Variants in USP24 observed in about 807,000 individuals in gnomAD.
The protein encoded by USP24 is ubiquitin specific peptidase 24.
In USP24, 97 loss-of-function variants were observed where a neutral mutation model predicts 361.6. The ratio of observed to expected loss-of-function variants is 0.27; its 90% CI spans 0.23 to 0.32. USP24 has a LOEUF of 0.32. Ranked by LOEUF, USP24 falls within the 10% of genes least tolerant of loss-of-function variation. USP24 has a pLI of 1.00. For missense variants in USP24, 2,353 were observed against 3,165.6 expected (o/e 0.74, Z 6.16); for synonymous variants, 1,098 against 1,124.6 (o/e 0.98, Z 0.47).
intron 16 of USP24, among the ~76,000 whole-genome samples, chr1:55,150,532 C>T (rs985779971): frequency 6.6e-6 from 1 of 152,080 alleles, no homozygotes; most frequent in African/African-American, 2.4e-5. Flanking sequence ...CAAACAGATA[C>T]CTTCCCAAAA....
chr1:55,125,842 C>T lies in USP24; in HGVS notation c.3636-84G>A, dbSNP rs150274607. 5.4e-6 allele frequency: 6 copies of T among 1,105,514 alleles called. No individual in the cohort carries two copies. In the African/African-American group the frequency reaches 7.9e-5, roughly 15 times the overall value. 68.5% of individuals were successfully genotyped at this position (1,105,514 alleles called of 1,614,324 possible). A position where few individuals can be genotyped will look rare whatever the true frequency, so the allele number is the denominator to read the frequency against. On this transcript the variant is annotated intron_variant, in intron 32 of 67. Transcript: ENST00000294383. Reference sequence around the variant, plus strand: ...ATTTTCCATAAGTAATGTAATCAGTCATCATCAATTACTTAGTTTCTACAT... The same window carrying T: ...ATTTTCCATAAGTAATGTAATCAGTTATCATCAATTACTTAGTTTCTACAT...
chr1:55,153,853 C>T lies in USP24; in HGVS notation c.1860+17G>A. 1.3e-6 allele frequency: 2 copies of T among 1,549,098 alleles called. No homozygotes were observed. The highest frequency in any genetic ancestry group is 1.7e-6 in the Non-Finnish European group (2 of 1,145,816). On this transcript the variant is annotated intron_variant, in intron 16 of 67. Transcript: ENST00000294383. ...AACTAGTATACCTTTTAGTTGGTTC[C>T]ATCTGCAAATTCTTACCTTGAATCC...
chr1:55,128,711 AC>A (rs201419348), intron 32 of USP24, among the ~76,000 whole-genome samples: 3,274 of 138,096 alleles, frequency 0.024, 49 homozygotes, highest in Non-Finnish European at 0.036. Context: ...CTGCTTTAAT[AC>A]CTTTTTTTTT....
chr1:55,123,462 G>A lies in USP24; in HGVS notation c.4261C>T (p.Arg1421Trp). ...TCCAGCATACCCAGTTGCTGGCTCCGAAGCTGTAGGCACGTAACAAGAAGA... is the reference window on the plus strand; with the variant it reads ...TCCAGCATACCCAGTTGCTGGCTCCAAAGCTGTAGGCACGTAACAAGAAGA... The part of the protein sequence containing the change: ...LSLLVTCLQL[R>W]SQQLASFYNL... Residue 1421 changes from arginine (R) to tryptophan (W), a missense_variant, in exon 36 of 68, where the codon CGG becomes TGG. By Grantham distance (101) the Arg-to-Trp change is moderately radical. Coordinates refer to ENST00000294383, the MANE Select transcript of USP24 (RefSeq NM_015306.3). 2 of 1,588,608 alleles carry A rather than the reference G, an allele frequency of 1.3e-6. No individual in the cohort carries two copies. Among genetic ancestry groups the A allele is most frequent in the Non-Finnish European group, 1.7e-6 (2 of 1,167,224 alleles).
At chr1:55,193,099 A>AT (rs1401387828) in intron 1 of USP24, among the ~76,000 whole-genome samples, 1 of 152,222 alleles carries the variant, frequency 6.6e-6, no homozygotes, top group African/African-American at 2.4e-5. Flanking sequence ...AAAGCAATGT[A>AT]TTTACATTTT....
chr1:55,137,788 C>T lies in USP24; in HGVS notation c.3027+18G>A. Reference sequence around the variant, plus strand: ...TTATATCATTTATTATTCATCAAAACTGCTTATTTAAACCTACCAGGCTAT... The same window carrying T: ...TTATATCATTTATTATTCATCAAAATTGCTTATTTAAACCTACCAGGCTAT... On this transcript the variant is annotated intron_variant, in intron 27 of 67. Coordinates refer to ENST00000294383, the MANE Select transcript of USP24 (RefSeq NM_015306.3). The T allele has an allele frequency of 6.4e-7, 1 of 1,559,538 alleles. No individual in the cohort carries two copies. The highest frequency in any genetic ancestry group is 1.2e-5 in the South Asian group (1 of 84,028).
intron 1 of USP24, 104 bp from the exon 2 acceptor site, chr1:55,178,236 T>G: frequency 1.8e-6 from 2 of 1,130,576 alleles, no homozygotes; most frequent in Non-Finnish European, 2.5e-6. Flanking sequence ...TGGTAGCTAT[T>G]AATACCAATA....
chr1:55,125,687 TA>T lies in USP24; in HGVS notation c.3706del (p.Tyr1236IlefsTer21). 1 of 1,596,732 alleles carries T rather than the reference TA, an allele frequency of 6.3e-7. No homozygotes were observed. Among genetic ancestry groups the T allele is most frequent in the Non-Finnish European group, 8.5e-7 (1 of 1,170,772 alleles). The stretch of plus-strand genomic sequence containing the variant: ...CCTTGCAAGCTGTAGACAGATGGAA[TA>T]AACACCCTGCCTTGTTTCATAGTCT... Reference protein sequence around the residue: ...EVDYETRQGVYSICLQLARFL... With the variant: ...EVDYETRQGVXSICLQLARFL... On this transcript the variant is annotated frameshift_variant, in exon 33 of 68. Transcript: ENST00000294383. LOFTEE classifies it high-confidence loss of function.
At chr1:55,110,295 TA>T in intron 38 of USP24, 49 bp from the exon 39 acceptor site, 2 of 1,432,482 alleles carry the variant, frequency 1.4e-6, no homozygotes, top group Non-Finnish European at 1.9e-6. Context: ...GATTTGAAAA[TA>T]AAAAGCATTT....
chr1:55,118,275 C>T (rs1292613364), intron 38 of USP24, among the ~76,000 whole-genome samples: 1 of 152,152 alleles, frequency 6.6e-6, no homozygotes, highest in Admixed American at 6.5e-5. Flanking sequence ...GACAGACATA[C>T]AGACCAATGC....
intron 9 of USP24, 61 bp downstream of exon 9, chr1:55,159,550 C>T: frequency 7.0e-7 from 1 of 1,438,404 alleles, no homozygotes; most frequent in Non-Finnish European, 9.6e-7. Context: ...CTGCTAAGTC[C>T]TGGCTCTGCT....
At chr1:55,163,808 C>T (rs1648542732) in intron 7 of USP24, among the ~76,000 whole-genome samples, 1 of 151,920 alleles carries the variant, frequency 6.6e-6, no homozygotes, top group African/African-American at 2.4e-5. Flanking sequence ...TCCTGGGATG[C>T]AAAATCTGCA....
At chr1:55,116,797 C>T (rs962062964) in intron 38 of USP24, among the ~76,000 whole-genome samples, 2 of 152,156 alleles carry the variant, frequency 1.3e-5, no homozygotes, top group African/African-American at 4.8e-5. Flanking sequence ...CAAGTCTTCT[C>T]AAGCTCTTTC....
chr1:55,193,055 A>AT (rs1286253576), intron 1 of USP24, among the ~76,000 whole-genome samples: 2 of 152,200 alleles, frequency 1.3e-5, no homozygotes, highest in Middle Eastern at 3.4e-3. Context: ...GGATCTAGAC[A>AT]TTTTTTTCTT....
intron 5 of USP24, among the ~76,000 whole-genome samples, chr1:55,167,586 G>A (rs1409248895): frequency 1.3e-5 from 2 of 152,190 alleles, no homozygotes; most frequent in Non-Finnish European, 2.9e-5. Context: ...GAATGGAATA[G>A]ATGAATGGGA....
chr1:55,179,755 G>A (rs1643908327), intron 1 of USP24, among the ~76,000 whole-genome samples: 1 of 151,522 alleles, frequency 6.6e-6, no homozygotes, highest in Admixed American at 6.6e-5. Context: ...CCATCCCCAG[G>A]ACCTGGTGAT....
intron 1 of USP24, among the ~76,000 whole-genome samples, chr1:55,208,216 C>T (rs1214739757): frequency 6.6e-6 from 1 of 152,148 alleles, no homozygotes; most frequent in Non-Finnish European, 1.5e-5. Flanking sequence ...TGGAAGCTAC[C>T]AATGGTGGGA....
At chr1:55,154,036 C>G (rs1202265722) in intron 15 of USP24, 83 bp downstream of exon 15, 5 of 1,592,670 alleles carry the variant, frequency 3.1e-6, no homozygotes, top group Admixed American at 1.7e-5. Context: ...ATTTACATAA[C>G]AGGGGAGGAA....
chr1:55,103,789 TCAG>T, intron 42 of USP24, 84 bp downstream of exon 42: 2 of 1,420,530 alleles, frequency 1.4e-6, no homozygotes, highest in South Asian at 1.5e-5. Context: ...TTCTTTGTGG[TCAG>T]CAGAATGCAA....
Sources: gnomAD v4.1 joint callset for allele counts (sites outside exome capture counted in the v4.1 genomes callset) on GRCh38, gnomAD v4.1.1 for gene constraint, MANE v1.5 for transcripts, NCBI Gene and HGNC (gene_info 2026-07-23, HGNC 2026-07-21) for gene names.